Variants in PRKCE observed in about 807,000 individuals in gnomAD.
The protein encoded by PRKCE is protein kinase C epsilon.
In PRKCE, 16 loss-of-function variants were observed where a neutral mutation model predicts 85.4. The observed-to-expected ratio is 0.19, with a 90% CI of 0.13 to 0.28. The LOEUF (loss-of-function observed/expected upper bound fraction) is 0.28, where lower values mean the gene tolerates loss of function less well. PRKCE is among the 10% of genes least tolerant of loss of function. PRKCE has a pLI of 1.00. For missense variants in PRKCE, 573 were observed against 975.2 expected, an observed-to-expected ratio of 0.59 and a Z score of 5.49; for synonymous variants, 388 against 371.5, an observed-to-expected ratio of 1.04 and a Z score of -0.51.
chr2:45,784,369 G>T (rs1018659991), intron 1 of PRKCE, among the ~76,000 whole-genome samples: 27 of 152,250 alleles, frequency 1.8e-4, no homozygotes, highest in African/African-American at 6.3e-4. Flanking sequence ...AAAGGAAGAA[G>T]TGGGCTGGCT....
chr2:45,765,676 C>A (rs1425544247), intron 1 of PRKCE, among the ~76,000 whole-genome samples: 1 of 152,146 alleles, frequency 6.6e-6, no homozygotes, highest in African/African-American at 2.4e-5. Flanking sequence ...GGCCAAAGTT[C>A]TGATGGTGCT....
intron 6 of PRKCE, among the ~76,000 whole-genome samples, chr2:45,997,382 C>G (rs186605037): frequency 1.2e-3 from 180 of 152,034 alleles, no homozygotes; most frequent in Admixed American, 2.2e-3. Flanking sequence ...CTACTTTGGT[C>G]TCCTTTTTCT....
intron 1 of PRKCE, among the ~76,000 whole-genome samples, chr2:45,822,142 TGTCCAC>T (rs1689584735): frequency 6.6e-6 from 1 of 152,224 alleles, no homozygotes; most frequent in Non-Finnish European, 1.5e-5. Flanking sequence ...GGTTGTGTAA[TGTCCAC>T]ACATATCAGT....
chr2:45,949,339 C>A (rs1700454859), intron 2 of PRKCE, among the ~76,000 whole-genome samples: 1 of 149,066 alleles, frequency 6.7e-6, no homozygotes. Flanking sequence ...TTGTATTGCC[C>A]TGATTACCTT....
At chr2:45,947,722 C>T (rs773237424) in intron 2 of PRKCE, among the ~76,000 whole-genome samples, 1 of 152,106 alleles carries the variant, frequency 6.6e-6, no homozygotes, top group Non-Finnish European at 1.5e-5. Context: ...TAATTATTTT[C>T]CAATTGATAG....
At chr2:46,101,833 G>A (rs992073579) in intron 11 of PRKCE, among the ~76,000 whole-genome samples, 28 of 137,994 alleles carry the variant, frequency 2.0e-4, no homozygotes, top group African/African-American at 7.3e-4. Flanking sequence ...TAGTGTTTTG[G>A]TGGTGTATGC....
Position 45,741,832 on chromosome 2 carries a change from C to G in PRKCE, c.348+89384C>G, listed in dbSNP as rs139736451. ...AGGTCTTCTCTGTTCCAGCACAGTCCTCTCAGTGGGCATGTGGAGAGCTAC... is the reference window on the plus strand; with the variant it reads ...AGGTCTTCTCTGTTCCAGCACAGTCGTCTCAGTGGGCATGTGGAGAGCTAC... On this transcript the variant is annotated intron_variant, in intron 1 of 14. Transcript: ENST00000306156. Among the ~76,000 whole-genome samples the G allele has an allele frequency of 2.1e-3, 326 of 152,332 alleles. 1 individual carries two copies. Among genetic ancestry groups the G allele is most frequent in the African/African-American group, 7.6e-3 (315 of 41,572 alleles).
chr2:46,010,528 A>G lies in PRKCE; in HGVS notation c.1437+11A>G, dbSNP rs1490536868. 3 of 1,598,752 alleles carry G rather than the reference A, an allele frequency of 1.9e-6. No homozygotes were observed. The highest frequency in any genetic ancestry group is 2.5e-6 in the Non-Finnish European group (3 of 1,179,144). ...TGCTTCCAGACCAAGGTATGTTAGG[A>G]AGAAGCTGGCTGGCTGCCATGTTGG... is the stretch of plus-strand genomic sequence containing the variant. On this transcript the variant is annotated intron_variant, in intron 10 of 14. Coordinates refer to ENST00000306156, the MANE Select transcript of PRKCE (RefSeq NM_005400.3).
intron 1 of PRKCE, among the ~76,000 whole-genome samples, chr2:45,677,494 C>T (rs575763594): frequency 1.3e-5 from 2 of 152,002 alleles, no homozygotes; most frequent in East Asian, 1.9e-4. Context: ...GTAGCTGGGA[C>T]TACAGGCGCC....
chr2:45,678,223 A>C (rs1461830138), intron 1 of PRKCE, among the ~76,000 whole-genome samples: 3 of 152,360 alleles, frequency 2.0e-5, no homozygotes, highest in African/African-American at 7.2e-5. Flanking sequence ...TTTCAAATGC[A>C]TTCAGGATGT....
intron 2 of PRKCE, among the ~76,000 whole-genome samples, chr2:45,901,229 C>T (rs951490415): frequency 2.0e-5 from 3 of 152,176 alleles, no homozygotes; most frequent in African/African-American, 7.2e-5. Flanking sequence ...ATTGTGCTTA[C>T]AAAACCGTCT....
At chr2:45,982,484 C>T (rs1702973623) in intron 5 of PRKCE, among the ~76,000 whole-genome samples, 2 of 152,220 alleles carry the variant, frequency 1.3e-5, no homozygotes, top group Non-Finnish European at 2.9e-5. Flanking sequence ...ATGCGGTGGA[C>T]TCACACCCTG....
intron 7 of PRKCE, among the ~76,000 whole-genome samples, chr2:46,003,356 A>C (rs1704869412): frequency 6.6e-6 from 1 of 152,222 alleles, no homozygotes; most frequent in Non-Finnish European, 1.5e-5. Flanking sequence ...TTGAGTCTAA[A>C]CCACTGATGT....
chr2:45,762,169 G>A (rs1684562606), intron 1 of PRKCE, among the ~76,000 whole-genome samples: 1 of 152,178 alleles, frequency 6.6e-6, no homozygotes, highest in South Asian at 2.1e-4. Flanking sequence ...GGAAGAGAAG[G>A]AGAAGCATGG....
At position 45,978,996 on chromosome 2, in the gene PRKCE, G is replaced by A; in HGVS notation, c.593G>A (p.Gly198Glu). The A allele has an allele frequency of 6.3e-7, 1 of 1,599,390 alleles. No individual in the cohort carries two copies. Among genetic ancestry groups the A allele is most frequent in the Non-Finnish European group, 8.5e-7 (1 of 1,179,708 alleles). The part of the protein sequence containing the change: ...DFIWGVIGKQ[G>E]YQCQVCTCVV... Reference sequence around the variant, plus strand: ...TTCAGGGGTGTCATAGGAAAGCAGGGATACCAGTGTCAAGGTAAGAGGCAT... The same window carrying A: ...TTCAGGGGTGTCATAGGAAAGCAGGAATACCAGTGTCAAGGTAAGAGGCAT... The change falls in exon 4 of 15, where the codon GGA becomes GAA. Residue 198 changes from glycine (G) to glutamate (E), a missense_variant. Physicochemically the swap from Gly to Glu is moderately conservative, Grantham distance 98. Transcript: ENST00000306156.
intron 14 of PRKCE, among the ~76,000 whole-genome samples, chr2:46,171,322 C>T (rs570695280): frequency 6.6e-6 from 1 of 152,272 alleles, no homozygotes; most frequent in Admixed American, 6.5e-5. Flanking sequence ...CGAAATAACC[C>T]CAAAAGACTT....
At chr2:46,130,771 T>C (rs758253680) in intron 11 of PRKCE, among the ~76,000 whole-genome samples, 1 of 152,198 alleles carries the variant, frequency 6.6e-6, no homozygotes, top group Non-Finnish European at 1.5e-5. Flanking sequence ...AGAAAACACA[T>C]TAAGATATGT....
chr2:45,969,626 C>T (rs1701974813), intron 2 of PRKCE, among the ~76,000 whole-genome samples: 1 of 152,204 alleles, frequency 6.6e-6, no homozygotes, highest in Admixed American at 6.5e-5. Flanking sequence ...TCCCTCACCT[C>T]CTGTTTGTGC....
chr2:45,662,503 C>CTGTGAAAT (rs1270034726), intron 1 of PRKCE, among the ~76,000 whole-genome samples: 1 of 152,076 alleles, frequency 6.6e-6, no homozygotes, highest in Non-Finnish European at 1.5e-5. Context: ...AATTTCCCAG[C>CTGTGAAAT]TGTGAAATCA....
Sources: allele counts gnomAD v4.1 joint callset (sites outside exome capture counted in the v4.1 genomes callset), GRCh38; gene constraint gnomAD v4.1.1; transcripts MANE v1.5; gene names NCBI Gene and HGNC (gene_info 2026-07-23, HGNC 2026-07-21).